The following VTI1A variants were observed in gnomAD, a reference collection of about 807,000 sequenced individuals.
VTI1A encodes vesicle transport through interaction with t-SNAREs homolog 1A.
In VTI1A, 22 loss-of-function variants were observed where a neutral mutation model predicts 34.9. That is an observed-to-expected ratio of 0.63 (90% CI 0.45 to 0.90). The LOEUF is 0.90. Ranked by LOEUF, VTI1A falls within the 40% of genes least tolerant of loss-of-function variation. The pLI is 0.00. For synonymous variants in VTI1A, 87 were observed against 97.3 expected (o/e 0.89, Z 0.62); for missense variants, 268 against 275.6 (o/e 0.97, Z 0.20).
At chr10:112,808,536 A>C (rs1385274931) in intron 7 of VTI1A, among the ~76,000 whole-genome samples, 1 of 151,210 alleles carries the variant, frequency 6.6e-6, no homozygotes, top group African/African-American at 2.4e-5. Context: ...GAGGCAGGAG[A>C]ATCACTTGGC....
Position 112,757,166 on chromosome 10 carries a change from C to T in VTI1A, c.561-58124C>T, listed in dbSNP as rs369042212. ...CAAGGGTGACCAAGCAGGACATGCC[C>T]TGGGCCTCACCCTGTAGCAGAGAGA... On this transcript the variant is annotated intron_variant, in intron 7 of 7. Coordinates refer to ENST00000393077, the MANE Select transcript of VTI1A (RefSeq NM_145206.4). Among the ~76,000 whole-genome samples, 11 of 152,178 alleles carry T rather than the reference C, an allele frequency of 7.2e-5. No homozygotes were observed. The East Asian group carries it at 2.1e-3, about 29-fold the overall frequency.
At chr10:112,594,984 C>T (rs1844564855) in intron 5 of VTI1A, among the ~76,000 whole-genome samples, 1 of 145,534 alleles carries the variant, frequency 6.9e-6, no homozygotes, top group East Asian at 1.9e-4. Flanking sequence ...TGGAACAGAA[C>T]AGAGCCCTCA....
rs184008445 is a variant in VTI1A, at chr10:112,572,694, C to T, written c.427+34364C>T. On this transcript the variant is annotated intron_variant, in intron 5 of 7. Coordinates refer to ENST00000393077, the MANE Select transcript of VTI1A (RefSeq NM_145206.4). ...TCTACTAAAAATACAAAAAATTAGC[C>T]GGGCGCGGTGGCGGGCGCCTGTAGT... 5.6e-3 allele frequency among the ~76,000 whole-genome samples: 853 copies of T among 152,082 alleles called. 10 individuals are homozygous for T. The highest frequency in any genetic ancestry group is 0.019 in the African/African-American group (803 of 41,488).
rs138990528 is a variant in VTI1A, at chr10:112,598,427, C to G, written c.427+60097C>G. Among the ~76,000 whole-genome samples, 36 of 152,316 alleles carry G rather than the reference C, an allele frequency of 2.4e-4. No individual in the cohort carries two copies. In the East Asian group the frequency reaches 3.9e-3, roughly 16 times the overall value. On this transcript the variant is annotated intron_variant, in intron 5 of 7. Coordinates refer to ENST00000393077, the MANE Select transcript of VTI1A (RefSeq NM_145206.4). ...GCCTTTGACTGACATTTCTGTGAAG[C>G]ATTTTGTGATGTGCATTTAGAACAC...
At chr10:112,504,282 G>C (rs1436449270) in intron 3 of VTI1A, among the ~76,000 whole-genome samples, 2 of 151,994 alleles carry the variant, frequency 1.3e-5, no homozygotes, top group African/African-American at 4.8e-5. Context: ...CTCCAACCCA[G>C]GTAACTACTG....
At chr10:112,640,183 A>G (rs185342725) in intron 5 of VTI1A, among the ~76,000 whole-genome samples, 504 of 152,264 alleles carry the variant, frequency 3.3e-3, no homozygotes, top group Non-Finnish European at 5.6e-3. Flanking sequence ...AAATCTATTT[A>G]CTTTGTGTTT....
rs560838886 is a variant in VTI1A, at chr10:112,691,115, G to A, written c.560+22117G>A. On this transcript the variant is annotated intron_variant, in intron 7 of 7. Coordinates refer to ENST00000393077, the MANE Select transcript of VTI1A (RefSeq NM_145206.4). Reference sequence around the variant, plus strand: ...CTCTACTAAAAATACAAAAAAATTAGCCAGGCATGGTGGTGTGTGCCTGTG... The same window carrying A: ...CTCTACTAAAAATACAAAAAAATTAACCAGGCATGGTGGTGTGTGCCTGTG... Among the ~76,000 whole-genome samples, 29 of 152,072 alleles carry A rather than the reference G, an allele frequency of 1.9e-4. 1 individual carries two copies. In the South Asian group the frequency reaches 4.2e-3, roughly 22 times the overall value.
intron 5 of VTI1A, among the ~76,000 whole-genome samples, chr10:112,579,824 A>ACTTTCCTTAGG (rs1843852814): frequency 6.6e-6 from 1 of 152,230 alleles, no homozygotes; most frequent in African/African-American, 2.4e-5. Flanking sequence ...TGGGAAGTGC[A>ACTTTCCTTAGG]GCATCATGGA....
At chr10:112,639,839 A>G (rs964473203) in intron 5 of VTI1A, among the ~76,000 whole-genome samples, 1 of 152,244 alleles carries the variant, frequency 6.6e-6, no homozygotes, top group Admixed American at 6.5e-5. Context: ...GAAACTACAC[A>G]TATTCCCAAT....
chr10:112,579,710 T>C (rs1843849168), intron 5 of VTI1A, among the ~76,000 whole-genome samples: 1 of 152,048 alleles, frequency 6.6e-6, no homozygotes, highest in South Asian at 2.1e-4. Context: ...ACCCAGAGAA[T>C]ACTAATAGAG....
intron 5 of VTI1A, among the ~76,000 whole-genome samples, chr10:112,647,985 G>C (rs1846870030): frequency 6.6e-6 from 1 of 152,090 alleles, no homozygotes; most frequent in Non-Finnish European, 1.5e-5. Flanking sequence ...GCCCAGGCTG[G>C]TCTCAAACTG....
the VTI1A span, among the ~76,000 whole-genome samples, chr10:112,828,038 TTCCTC>T: frequency 2.6e-5 from 4 of 152,160 alleles, no homozygotes; most frequent in African/African-American, 9.7e-5. Context: ...GAGCCTCAGT[TTCCTC>T]TACTGTAAAG....
intron 7 of VTI1A, among the ~76,000 whole-genome samples, chr10:112,718,486 T>G (rs1434960015): frequency 6.6e-6 from 1 of 152,252 alleles, no homozygotes; most frequent in East Asian, 1.9e-4. Flanking sequence ...GTGTGCTATC[T>G]TTAATGAAGA....
At chr10:112,730,037 C>T (rs1009166093) in intron 7 of VTI1A, among the ~76,000 whole-genome samples, 8 of 152,236 alleles carry the variant, frequency 5.3e-5, no homozygotes, top group African/African-American at 1.7e-4. Flanking sequence ...AGTTATTTCA[C>T]TTCTCTGGAG....
chr10:112,596,986 G>A (rs1269964025), intron 5 of VTI1A, among the ~76,000 whole-genome samples: 4 of 152,130 alleles, frequency 2.6e-5, no homozygotes, highest in Non-Finnish European at 5.9e-5. Context: ...TCGTTTGAAT[G>A]TATGCTCAGG....
chr10:112,659,398 TA>T (rs1847362236), intron 5 of VTI1A, among the ~76,000 whole-genome samples: 1 of 152,230 alleles, frequency 6.6e-6, no homozygotes. Context: ...GAGCTGTAAT[TA>T]ACATGGTTCC....
chr10:112,618,524 T>TATATATATAGAGAGAGAGAGAGAGAGAG (rs748276058), intron 5 of VTI1A, among the ~76,000 whole-genome samples: 8 of 34,576 alleles, frequency 2.3e-4, no homozygotes, highest in Admixed American at 6.7e-4. Context: ...TATATATATA[T>TATATATATAGAGAGAGAGAGAGAGAGAG]AGAGAGAGAG....
chr10:112,457,622 G>T (rs979181355), intron 1 of VTI1A, among the ~76,000 whole-genome samples: 3 of 152,162 alleles, frequency 2.0e-5, no homozygotes, highest in African/African-American at 7.2e-5. Context: ...AGGATTGAAG[G>T]CCTGGAAATA....
chr10:112,759,715 G>T (rs1851395759), intron 7 of VTI1A, among the ~76,000 whole-genome samples: 1 of 152,160 alleles, frequency 6.6e-6, no homozygotes, highest in South Asian at 2.1e-4. Context: ...CAAAGGAACT[G>T]CATGCTTTTC....
Sources: allele counts gnomAD v4.1 joint callset (sites outside exome capture counted in the v4.1 genomes callset), GRCh38; gene constraint gnomAD v4.1.1; transcripts MANE v1.5; gene names NCBI Gene and HGNC (gene_info 2026-07-23, HGNC 2026-07-21).